Variants in MAP2 observed in about 807,000 individuals in gnomAD.
The protein encoded by MAP2 is microtubule-associated protein 2.
MAP2 carries 14 observed loss-of-function variants against 137.6 expected under a neutral mutation model. That is an observed-to-expected ratio of 0.10 (90% CI 0.07 to 0.16). The LOEUF is 0.16. Ranked by LOEUF, MAP2 falls within the 10% of genes least tolerant of loss-of-function variation. The probability of loss-of-function intolerance (pLI) is 1.00; values close to 1 mark genes in which losing one functional copy is unlikely to be tolerated. For missense variants in MAP2, 2,088 were observed against 2,191.5 expected, an observed-to-expected ratio of 0.95 and a Z score of 0.94; for synonymous variants, 786 against 782.3, an observed-to-expected ratio of 1.00 and a Z score of -0.08.
At chr2:209,495,281 G>A (rs2059614452) in intron 1 of MAP2, among the ~76,000 whole-genome samples, 1 of 152,234 alleles carries the variant, frequency 6.6e-6, no homozygotes, top group African/African-American at 2.4e-5. Flanking sequence ...AAACGTTCCT[G>A]CCTGCCAGCT....
intron 3 of MAP2, among the ~76,000 whole-genome samples, chr2:209,585,521 G>A (rs1559356589): frequency 2.0e-5 from 3 of 152,190 alleles, no homozygotes; most frequent in East Asian, 1.9e-4. Flanking sequence ...ACATTTTGAT[G>A]TATTTTTTAT....
At chr2:209,718,546 C>T (rs1287122453) in intron 13 of MAP2, among the ~76,000 whole-genome samples, 1 of 151,914 alleles carries the variant, frequency 6.6e-6, no homozygotes, top group Non-Finnish European at 1.5e-5. Context: ...AGTGACTGAA[C>T]TCATTAATGT....
intron 1 of MAP2, among the ~76,000 whole-genome samples, chr2:209,486,380 T>G (rs2058382783): frequency 6.6e-6 from 1 of 152,100 alleles, no homozygotes; most frequent in African/African-American, 2.4e-5. Context: ...TGCGCCACCA[T>G]GCCCAGCTAG....
At chr2:209,699,021 T>A (rs1559607444) in intron 10 of MAP2, among the ~76,000 whole-genome samples, 1 of 152,242 alleles carries the variant, frequency 6.6e-6, no homozygotes, top group Non-Finnish European at 1.5e-5. Flanking sequence ...GAAAGAAATT[T>A]AAAATCTTTG....
intron 1 of MAP2, among the ~76,000 whole-genome samples, chr2:209,486,690 A>C (rs1464970746): frequency 6.6e-6 from 1 of 152,216 alleles, no homozygotes; most frequent in African/African-American, 2.4e-5. Context: ...GTGGTTTTAA[A>C]TACGTTATTG....
chr2:209,442,160 A>T (rs1697953760), intron 1 of MAP2, among the ~76,000 whole-genome samples: 1 of 151,612 alleles, frequency 6.6e-6, no homozygotes, highest in African/African-American at 2.4e-5. Flanking sequence ...TACATAGAGT[A>T]TACTCATTTA....
In MAP2 at chr2:209,576,283, G is replaced by T. The variant is rs184918535; in HGVS notation, c.-171-3753G>T. On this transcript the variant is annotated intron_variant, in intron 2 of 15. Coordinates refer to ENST00000682079, the MANE Select transcript of MAP2 (RefSeq NM_001375505.1). ...TTGAGAGACGAAGTCTTGCTCTGTC[G>T]CCCAGGCTGGAGTGCAGTGGTGCGA... Among the ~76,000 whole-genome samples, 75 of 152,084 alleles carry T rather than the reference G, an allele frequency of 4.9e-4. 2 individuals are homozygous for T. In the East Asian group the frequency reaches 0.014, roughly 28 times the overall value.
intron 4 of MAP2, among the ~76,000 whole-genome samples, chr2:209,632,219 A>G (rs2093139362): frequency 6.6e-6 from 1 of 152,204 alleles, no homozygotes; most frequent in Non-Finnish European, 1.5e-5. Context: ...TGAGGATAAC[A>G]GTCAGGACTG....
chr2:209,673,801 G>A (rs1005480844), intron 5 of MAP2, among the ~76,000 whole-genome samples: 3 of 151,668 alleles, frequency 2.0e-5, no homozygotes, highest in African/African-American at 4.8e-5. Context: ...GGAAGAAAAA[G>A]CAAGAAAAAG....
At chr2:209,543,776 T>A (rs1246035651) in intron 2 of MAP2, among the ~76,000 whole-genome samples, 4 of 152,264 alleles carry the variant, frequency 2.6e-5, no homozygotes, top group Non-Finnish European at 5.9e-5. Context: ...CCTTTCAATG[T>A]ACTTCTCTGT....
chr2:209,481,307 C>A (rs934192647), intron 1 of MAP2, among the ~76,000 whole-genome samples: 3 of 152,198 alleles, frequency 2.0e-5, no homozygotes, highest in African/African-American at 7.2e-5. Flanking sequence ...GATGGTTCAG[C>A]CTTCATACTC....
intron 2 of MAP2, among the ~76,000 whole-genome samples, chr2:209,568,524 A>G (rs1172596731): frequency 1.3e-5 from 2 of 151,944 alleles, no homozygotes; most frequent in South Asian, 2.1e-4. Flanking sequence ...CTGGCTCTCC[A>G]ATTCAGTGAA....
chr2:209,522,618 G>A (rs1287771718), intron 2 of MAP2, among the ~76,000 whole-genome samples: 1 of 152,116 alleles, frequency 6.6e-6, no homozygotes, highest in Non-Finnish European at 1.5e-5. Context: ...ATATGTAAGA[G>A]GCCTGCACTT....
intron 13 of MAP2, chr2:209,721,767 G>A (rs925645923): frequency 6.6e-6 from 1 of 152,104 alleles, no homozygotes; most frequent in East Asian, 1.9e-4. Flanking sequence ...GTACTCTAAT[G>A]ATCTCTAAGT....
At chr2:209,650,452 AC>A (rs2094711137) in intron 4 of MAP2, among the ~76,000 whole-genome samples, 1 of 152,092 alleles carries the variant, frequency 6.6e-6, no homozygotes, top group Non-Finnish European at 1.5e-5. Flanking sequence ...AAAACACATA[AC>A]TTTAAACTAA....
intron 14 of MAP2, among the ~76,000 whole-genome samples, chr2:209,726,492 C>T (rs911767205): frequency 6.6e-6 from 1 of 152,146 alleles, no homozygotes; most frequent in Non-Finnish European, 1.5e-5. Context: ...GGCATGTTGG[C>T]TCATGCCTGT....
At chr2:209,571,431 T>C (rs189001399) in intron 2 of MAP2, among the ~76,000 whole-genome samples, 57 of 152,134 alleles carry the variant, frequency 3.7e-4, no homozygotes, top group African/African-American at 1.3e-3. Context: ...GCTCTGGAAG[T>C]TCATATATTA....
Position 209,695,982 on chromosome 2 carries a change from A to C in MAP2, c.3812A>C (p.Glu1271Ala), listed in dbSNP as rs1226011473. The stretch of plus-strand genomic sequence containing the variant: ...TCAGGTGCCAGGGAGGAATTTGTGG[A>C]GACCTGCCCAAGTGAACACAAAGGA... The part of the protein sequence containing the change: ...GVSGAREEFV[E>A]TCPSEHKGVI... The change falls in exon 8 of 16, where the codon GAG (glutamate) becomes GCG (alanine). Residue 1271 changes from glutamate to alanine, a missense_variant. By Grantham distance (107) the Glu-to-Ala change is moderately radical. Transcript: ENST00000682079. 2 of 1,614,148 alleles carry C rather than the reference A, an allele frequency of 1.2e-6. No homozygotes were observed. Among genetic ancestry groups the C allele is most frequent in the South Asian group, 2.2e-5 (2 of 91,070 alleles).
chr2:209,545,292 A>G (rs367924286), intron 2 of MAP2, among the ~76,000 whole-genome samples: 16 of 152,322 alleles, frequency 1.1e-4, no homozygotes, highest in African/African-American at 3.1e-4. Flanking sequence ...ATCCTCTTGT[A>G]GATGAAATCC....
Sources: allele counts gnomAD v4.1 joint callset (sites outside exome capture counted in the v4.1 genomes callset), GRCh38; gene constraint gnomAD v4.1.1; transcripts MANE v1.5; gene names NCBI Gene and HGNC (gene_info 2026-07-23, HGNC 2026-07-21).